Variants in ERG observed in about 807,000 individuals in gnomAD.
The protein encoded by ERG is ETS transcription factor ERG, also known as transcriptional regulator ERG.
A neutral mutation model predicts 55.3 loss-of-function variants in ERG; 9 were observed. The observed-to-expected ratio is 0.16, with a 90% CI of 0.10 to 0.28. ERG has a LOEUF of 0.28. Ranked by LOEUF, ERG falls within the 10% of genes least tolerant of loss-of-function variation. The probability of loss-of-function intolerance (pLI) is 1.00; values close to 1 mark genes in which losing one functional copy is unlikely to be tolerated. For synonymous variants in ERG, 223 were observed against 237.3 expected (o/e 0.94, Z 0.55); for missense variants, 434 against 631.6 (o/e 0.69, Z 3.35).
chr21:38,377,229 T>C (rs373725335), downstream of ERG, among the ~76,000 whole-genome samples: 16 of 152,348 alleles, frequency 1.1e-4, no homozygotes, highest in African/African-American at 2.6e-4. Flanking sequence ...ATTATTATTA[T>C]CAAAAGTAGT....
intron 1 of ERG, among the ~76,000 whole-genome samples, chr21:38,446,254 G>T (rs867224035): frequency 3.3e-5 from 4 of 119,882 alleles, no homozygotes; most frequent in Non-Finnish European, 6.8e-5. Context: ...AAAAAAAAAA[G>T]CTGTGAAGTA....
At position 38,380,515 on chromosome 21, in the gene ERG, T is replaced by C. The variant is rs1364516380; in HGVS notation, c.*2888A>G. 2.8e-6 allele frequency: 3 copies of C among 1,065,282 alleles called. No individual in the cohort carries two copies. Among genetic ancestry groups the C allele is most frequent in the African/African-American group, 1.6e-5 (1 of 61,024 alleles). 66.0% of individuals were successfully genotyped at this position (1,065,282 alleles called of 1,614,324 possible). A position where few individuals can be genotyped will look rare whatever the true frequency, so the allele number is the denominator to read the frequency against. On this transcript the variant is annotated 3_prime_UTR_variant, in exon 10 of 10. Transcript: ENST00000288319. The stretch of plus-strand genomic sequence containing the variant: ...AAATCTCTTGCCAGCAGGAGTAAGA[T>C]TGTACAGGAGTCTGAGTATACATCA...
intron 2 of ERG, among the ~76,000 whole-genome samples, chr21:38,539,803 G>A (rs975684897): frequency 1.3e-5 from 2 of 151,914 alleles, no homozygotes; most frequent in African/African-American, 4.8e-5. Context: ...CCCATGCTCT[G>A]ACCCCAGGTT....
intron 2 of ERG, among the ~76,000 whole-genome samples, chr21:38,426,930 C>CAA (rs11447837): frequency 2.0e-3 from 298 of 147,754 alleles, no homozygotes; most frequent in South Asian, 0.019. Context: ...GACTCCATGT[C>CAA]AAAAAAAAAA....
At chr21:38,635,362 T>C (rs1422414023) in intron 1 of ERG, among the ~76,000 whole-genome samples, 3 of 152,054 alleles carry the variant, frequency 2.0e-5, no homozygotes, top group African/African-American at 7.2e-5. Context: ...ATGTAAACTA[T>C]AGACTTTAGG....
intron 2 of ERG, among the ~76,000 whole-genome samples, chr21:38,541,651 A>G (rs1169177573): frequency 2.0e-5 from 3 of 152,260 alleles, no homozygotes; most frequent in South Asian, 2.1e-4. Context: ...AATTTATTTC[A>G]AAAACAGTCT....
chr21:38,536,179 T>C (rs2059708740), intron 2 of ERG, among the ~76,000 whole-genome samples: 1 of 152,100 alleles, frequency 6.6e-6, no homozygotes, highest in Non-Finnish European at 1.5e-5. Context: ...ATTAATGGAC[T>C]CTCCAGGTAG....
At chr21:38,397,895 G>C (rs2836369) in intron 6 of ERG, among the ~76,000 whole-genome samples, 33,286 of 152,112 alleles carry the variant, frequency 0.22, 4,237 homozygotes, top group South Asian at 0.35. Context: ...GGTCTAAGTA[G>C]AGTTGTTACC....
intron 1 of ERG, among the ~76,000 whole-genome samples, chr21:38,469,155 T>G (rs921194207): frequency 2.6e-5 from 4 of 151,766 alleles, no homozygotes; most frequent in African/African-American, 9.7e-5. Flanking sequence ...GAAGAATGGT[T>G]TCAGTCAGAG....
At chr21:38,629,599 T>A (rs1407551916) in intron 1 of ERG, among the ~76,000 whole-genome samples, 1 of 152,022 alleles carries the variant, frequency 6.6e-6, no homozygotes, top group South Asian at 2.1e-4. Context: ...AGAAAAAAAA[T>A]ATATCAAGTG....
intron 1 of ERG, among the ~76,000 whole-genome samples, chr21:38,485,933 T>C (rs1265257164): frequency 6.6e-6 from 1 of 151,774 alleles, no homozygotes; most frequent in Non-Finnish European, 1.5e-5. Context: ...TTCTTAATAA[T>C]AATAATTATT....
At chr21:38,489,336 G>A (rs776323059) in intron 1 of ERG, among the ~76,000 whole-genome samples, 2 of 152,188 alleles carry the variant, frequency 1.3e-5, no homozygotes, top group African/African-American at 2.4e-5. Context: ...ACAGCTCTTG[G>A]GATGGACAGA....
chr21:38,580,011 G>A lies in ERG; in HGVS notation c.-126-4264C>T, dbSNP rs573603530. On this transcript the variant is annotated intron_variant, in intron 1 of 8. Coordinates refer to the ERG transcript ENST00000398897. The stretch of plus-strand genomic sequence containing the variant: ...AATTTTTTGTATTTTTAGTAGAGAC[G>A]GGATTTCACCGTGTTAGCCAGGATG... Among the ~76,000 whole-genome samples, 8 of 152,214 alleles carry A rather than the reference G, an allele frequency of 5.3e-5. No homozygotes were observed. In the South Asian group the frequency reaches 1.5e-3, roughly 28 times the overall value.
chr21:38,378,423 A>G (rs1380306652), downstream of ERG, among the ~76,000 whole-genome samples: 4 of 152,198 alleles, frequency 2.6e-5, no homozygotes, highest in African/African-American at 7.2e-5. Context: ...AATTTGGCCA[A>G]TGGGCATCCC....
chr21:38,402,729 A>G (rs1988563043), intron 4 of ERG, 92 bp from the exon 5 acceptor site: 5 of 795,110 alleles, frequency 6.3e-6, no homozygotes, highest in Non-Finnish European at 9.3e-6. Context: ...AAAAAAAAAA[A>G]AAGAAAGAAA....
At chr21:38,400,856 C>T (rs376033919) in intron 5 of ERG, among the ~76,000 whole-genome samples, 41 of 152,262 alleles carry the variant, frequency 2.7e-4, no homozygotes, top group Middle Eastern at 3.4e-3. Context: ...TCCTGTGCCC[C>T]GTTTGCTATA....
intron 2 of ERG, among the ~76,000 whole-genome samples, chr21:38,520,893 C>G (rs1317748548): frequency 6.6e-6 from 1 of 152,112 alleles, no homozygotes; most frequent in Non-Finnish European, 1.5e-5. Context: ...TACTTTATAT[C>G]AGACGTGCTC....
intron 1 of ERG, among the ~76,000 whole-genome samples, chr21:38,472,666 A>C (rs1402035218): frequency 6.6e-6 from 1 of 152,222 alleles, no homozygotes; most frequent in African/African-American, 2.4e-5. Flanking sequence ...TGAAGCCCTG[A>C]GAGTCAGGAG....
intron 2 of ERG, among the ~76,000 whole-genome samples, chr21:38,529,031 A>G (rs2059652756): frequency 6.6e-6 from 1 of 152,128 alleles, no homozygotes; most frequent in African/African-American, 2.4e-5. Flanking sequence ...CTGAGGTAGA[A>G]ATGAATAAGG....
Sources: gnomAD v4.1 joint callset for allele counts (sites outside exome capture counted in the v4.1 genomes callset) on GRCh38, gnomAD v4.1.1 for gene constraint, MANE v1.5 for transcripts, NCBI Gene and HGNC (gene_info 2026-07-23, HGNC 2026-07-21) for gene names.